The following FBN2 variants were observed in gnomAD, a reference collection of about 807,000 sequenced individuals.
FBN2 encodes fibrillin 2.
Under a neutral mutation model 355.6 loss-of-function variants are expected in FBN2, and 105 were observed. That is an observed-to-expected ratio of 0.30 (90% CI 0.25 to 0.35). The LOEUF (loss-of-function observed/expected upper bound fraction) is 0.35. Among genes scored for constraint, FBN2 ranks in the 10% least tolerant of loss-of-function variants. The pLI, the probability that FBN2 is intolerant of heterozygous loss-of-function variation, is 1.00. For missense variants in FBN2, 3,280 were observed against 3,758.7 expected (o/e 0.87, Z 3.33); for synonymous variants, 1,350 against 1,301.2 (o/e 1.04, Z -0.81).
At chr5:128,445,640 C>G (rs957316952) in intron 7 of FBN2, among the ~76,000 whole-genome samples, 1 of 152,084 alleles carries the variant, frequency 6.6e-6, no homozygotes, top group African/African-American at 2.4e-5. Flanking sequence ...AAAATGAGAA[C>G]AGTTATACTC....
chr5:128,511,325 C>T (rs933697028), intron 5 of FBN2, among the ~76,000 whole-genome samples: 1 of 152,280 alleles, frequency 6.6e-6, no homozygotes, highest in African/African-American at 2.4e-5. Flanking sequence ...AGAGGGCAGC[C>T]TCTTGACTCC....
At chr5:128,489,552 C>T (rs148150152) in intron 5 of FBN2, among the ~76,000 whole-genome samples, 14 of 151,998 alleles carry the variant, frequency 9.2e-5, no homozygotes, top group African/African-American at 2.4e-4. Context: ...AAGTATGTCA[C>T]GAATTCATGA....
chr5:128,368,445 CAT>C (rs1319667818), intron 16 of FBN2, among the ~76,000 whole-genome samples: 86 of 118,970 alleles, frequency 7.2e-4, no homozygotes, highest in Non-Finnish European at 1.2e-3. Context: ...CACATATATA[CAT>C]ATATATACAC....
intron 33 of FBN2, 46 bp from the exon 34 acceptor site, chr5:128,328,867 T>G: frequency 3.7e-6 from 6 of 1,608,722 alleles, no homozygotes; most frequent in Non-Finnish European, 4.3e-6. Context: ...CCAAATTTCA[T>G]GACACATTTT....
chr5:128,376,411 T>C (rs1427538370), intron 14 of FBN2, among the ~76,000 whole-genome samples: 1 of 152,194 alleles, frequency 6.6e-6, no homozygotes, highest in Admixed American at 6.5e-5. Context: ...CCTTTCAAGA[T>C]TTTTTCTTCT....
At chr5:128,436,596 G>A (rs1421992891) in intron 7 of FBN2, among the ~76,000 whole-genome samples, 1 of 148,936 alleles carries the variant, frequency 6.7e-6, no homozygotes, top group Admixed American at 6.8e-5. Context: ...CCTAAGTGAT[G>A]TCATTTTTGC....
chr5:128,265,446 C>A lies in FBN2; in HGVS notation c.7961-1790G>T, dbSNP rs563813738. ...ATATTTATATTCTATAAATGTATAT[C>A]ATGATTAAAATTTATAGACTTAAAT... On this transcript the variant is annotated intron_variant, in intron 62 of 64. Transcript: ENST00000262464. 5.3e-5 allele frequency among the ~76,000 whole-genome samples: 8 copies of A among 152,126 alleles called. No homozygotes were observed. In the South Asian group the frequency reaches 1.5e-3, roughly 28 times the overall value.
At chr5:128,392,695 T>C (rs78103317) in intron 10 of FBN2, among the ~76,000 whole-genome samples, 2,278 of 152,302 alleles carry the variant, frequency 0.015, 59 homozygotes, top group African/African-American at 0.052. Context: ...CAGAGCAAGA[T>C]ATTCAGTTTA....
chr5:128,340,919 A>T (rs1438965896), intron 25 of FBN2, among the ~76,000 whole-genome samples: 1 of 152,052 alleles, frequency 6.6e-6, no homozygotes, highest in East Asian at 1.9e-4. Context: ...GTTGTACAGA[A>T]ATGCTAGCTT....
intron 6 of FBN2, among the ~76,000 whole-genome samples, 192 bp from the exon 7 acceptor site, chr5:128,446,798 C>G (rs892844646): frequency 6.6e-6 from 1 of 152,048 alleles, no homozygotes; most frequent in African/African-American, 2.4e-5. Flanking sequence ...TGTTATATAT[C>G]TTAGTTTGTT....
In FBN2 at chr5:128,414,250, C is replaced by G. The variant is rs558518747; in HGVS notation, c.953-5451G>C. 3.3e-4 allele frequency among the ~76,000 whole-genome samples: 50 copies of G among 152,278 alleles called. 1 individual carries two copies. Among genetic ancestry groups the G allele is most frequent in the South Asian group, 2.3e-3 (11 of 4,822 alleles). Reference sequence around the variant, plus strand: ...TGATTTCAGAACATTTTCATCCCCCCCCAAGGAAATTCCAGCCTATTAGCA... The same window carrying G: ...TGATTTCAGAACATTTTCATCCCCCGCCAAGGAAATTCCAGCCTATTAGCA... On this transcript the variant is annotated intron_variant, in intron 7 of 64. Transcript: ENST00000262464.
rs773056826 is a variant in FBN2 at position 128,395,154 on chromosome 5, G to A, written c.1199C>T (p.Thr400Ile). Reference sequence around the variant, plus strand: ...TCTGACAGGACAGGCTTCAGGAATGGTTCCGATGCCCCAGCAGCGGCCAGG... The same window carrying A: ...TCTGACAGGACAGGCTTCAGGAATGATTCCGATGCCCCAGCAGCGGCCAGG... ...CEPGRCWGIG[T>I]IPEACPVRGS... The change falls in exon 9 of 65, where the codon ACC (threonine) becomes ATC (isoleucine). Residue 400 changes from threonine (T) to isoleucine (I), a missense_variant. This residue lies in a region of FBN2 where 343 missense variants were observed against 331.0 expected (regional missense o/e 1.04). Transcript: ENST00000262464. The A allele has an allele frequency of 5.0e-6, 8 of 1,614,034 alleles. No individual in the cohort carries two copies. In the South Asian group the frequency reaches 6.6e-5, roughly 13 times the overall value.
At chr5:128,505,082 C>T (rs1467151012) in intron 5 of FBN2, among the ~76,000 whole-genome samples, 1 of 152,184 alleles carries the variant, frequency 6.6e-6, no homozygotes, top group Non-Finnish European at 1.5e-5. Context: ...TGTGATTCTG[C>T]TCCTCATTTG....
chr5:128,329,885 C>T (rs542349465), intron 33 of FBN2, among the ~76,000 whole-genome samples: 5 of 152,234 alleles, frequency 3.3e-5, no homozygotes, highest in South Asian at 4.1e-4. Context: ...ATTATCTAGT[C>T]TTATACATGC....
chr5:128,374,117 ATTT>A (rs1752019499), intron 15 of FBN2, among the ~76,000 whole-genome samples: 1 of 151,754 alleles, frequency 6.6e-6, no homozygotes, highest in African/African-American at 2.4e-5. Context: ...TTAAAAATAT[ATTT>A]TTTCTTCTCC....
At chr5:128,455,558 T>A (rs1419635240) in intron 6 of FBN2, among the ~76,000 whole-genome samples, 1 of 151,400 alleles carries the variant, frequency 6.6e-6, no homozygotes, top group African/African-American at 2.4e-5. Flanking sequence ...GAGGCTCCCA[T>A]CAAAAAAAAA....
intron 63 of FBN2, among the ~76,000 whole-genome samples, chr5:128,262,784 A>C (rs1765007607): frequency 6.6e-6 from 1 of 152,158 alleles, no homozygotes; most frequent in Admixed American, 6.5e-5. Context: ...ACTGACCTCT[A>C]AATGCCCATC....
At chr5:128,453,143 T>C (rs1272787156) in intron 6 of FBN2, among the ~76,000 whole-genome samples, 4 of 152,174 alleles carry the variant, frequency 2.6e-5, no homozygotes, top group Non-Finnish European at 4.4e-5. Context: ...ATTCAAATGT[T>C]AAAATGATCA....
chr5:128,477,091 G>A (rs1189716802), intron 5 of FBN2, among the ~76,000 whole-genome samples: 2 of 152,186 alleles, frequency 1.3e-5, no homozygotes, highest in African/African-American at 4.8e-5. Context: ...ATGTATAGCT[G>A]TGTGATCCAA....
Sources: allele counts gnomAD v4.1 joint callset (sites outside exome capture counted in the v4.1 genomes callset), GRCh38; gene constraint gnomAD v4.1.1; regional missense constraint gnomAD v4.1.1; transcripts MANE v1.5; gene names NCBI Gene and HGNC (gene_info 2026-07-23, HGNC 2026-07-21).